ZFYVE9: variants seen among roughly 807,000 people sequenced by gnomAD.
ZFYVE9 encodes the protein zinc finger FYVE domain-containing protein 9.
Under a neutral mutation model 126.7 loss-of-function variants are expected in ZFYVE9, and 43 were observed. The ratio of observed to expected loss-of-function variants is 0.34; its 90% CI spans 0.27 to 0.44. The LOEUF (loss-of-function observed/expected upper bound fraction) is 0.44, where lower values mean the gene tolerates loss of function less well. Ranked by LOEUF, ZFYVE9 falls within the 20% of genes least tolerant of loss-of-function variation. The pLI is 1.00. For synonymous variants in ZFYVE9, 521 were observed against 597.4 expected (o/e 0.87, Z 1.87); for missense variants, 1,476 against 1,697.0 (o/e 0.87, Z 2.29).
chr1:52,298,865 A>C (rs1424326659), intron 12 of ZFYVE9, among the ~76,000 whole-genome samples: 1 of 135,304 alleles, frequency 7.4e-6, no homozygotes, highest in African/African-American at 2.9e-5. Context: ...GCTGGAGTGC[A>C]GTGGCGCAAT....
At chr1:52,330,509 G>T (rs1428695749) in intron 13 of ZFYVE9, among the ~76,000 whole-genome samples, 2 of 152,132 alleles carry the variant, frequency 1.3e-5, no homozygotes, top group Non-Finnish European at 2.9e-5. Flanking sequence ...TGGAACTGAG[G>T]GTTCCTTCCT....
chr1:52,300,008 C>T (rs1448918577), intron 12 of ZFYVE9, among the ~76,000 whole-genome samples: 1 of 152,254 alleles, frequency 6.6e-6, no homozygotes. Context: ...ACCCTTTCCC[C>T]ATTAGAAGTA....
intron 1 of ZFYVE9, among the ~76,000 whole-genome samples, chr1:52,186,459 G>A (rs368832547): frequency 6.6e-6 from 1 of 152,126 alleles, no homozygotes; most frequent in Non-Finnish European, 1.5e-5. Flanking sequence ...AGTATTGGAA[G>A]TCCTGGCCAG....
At chr1:52,305,491 G>C (rs371890704) in intron 13 of ZFYVE9, among the ~76,000 whole-genome samples, 17 of 152,306 alleles carry the variant, frequency 1.1e-4, no homozygotes, top group African/African-American at 3.6e-4. Context: ...CCAGGAAAAT[G>C]ATGGCATCAG....
intron 1 of ZFYVE9, among the ~76,000 whole-genome samples, chr1:52,169,385 G>A (rs1644543609): frequency 6.6e-6 from 1 of 152,150 alleles, no homozygotes; most frequent in Non-Finnish European, 1.5e-5. Flanking sequence ...GGGTGACAGA[G>A]TGAGACACTG....
chr1:52,266,555 A>C (rs779334211), intron 5 of ZFYVE9, 100 bp from the exon 6 acceptor site: 2 of 1,027,536 alleles, frequency 1.9e-6, no homozygotes, highest in Non-Finnish European at 2.8e-6. Flanking sequence ...TACTATGAGT[A>C]TTAATTAGGA....
intron 3 of ZFYVE9, among the ~76,000 whole-genome samples, chr1:52,234,000 T>TA (rs909285543): frequency 1.3e-5 from 2 of 152,014 alleles, no homozygotes; most frequent in Admixed American, 1.3e-4. Flanking sequence ...AGGCTGGTCT[T>TA]AAACTCCTGG....
Position 52,239,082 on chromosome 1 carries a change from A to G in ZFYVE9, c.1665A>G (p.Pro555=). ...NYLHNFCSQV[P]SVLGQSSPKV... ...TACATAATTTCTGTAGTCAAGTTCC[A>G]TCAGTGCTTGGGCAATCTTCCCCCA... Residue 555 remains proline, a synonymous_variant, in exon 4 of 19, where the codon CCA becomes CCG. Coordinates refer to ENST00000287727, the MANE Select transcript of ZFYVE9 (RefSeq NM_004799.4). 6.2e-7 allele frequency: 1 copy of G among 1,614,134 alleles called. No individual in the cohort carries two copies. Among genetic ancestry groups the G allele is most frequent in the Non-Finnish European group, 8.5e-7 (1 of 1,180,012 alleles).
intron 1 of ZFYVE9, among the ~76,000 whole-genome samples, chr1:52,167,480 A>T (rs762134806): frequency 2.6e-5 from 4 of 152,140 alleles, no homozygotes; most frequent in Admixed American, 6.6e-5. Context: ...CATGAGATAC[A>T]TATGAATCCT....
At chr1:52,314,358 A>G (rs556719565) in intron 13 of ZFYVE9, among the ~76,000 whole-genome samples, 27 of 152,298 alleles carry the variant, frequency 1.8e-4, no homozygotes, top group African/African-American at 6.0e-4. Flanking sequence ...CTGTCATCCT[A>G]TATTTTATAC....
intron 10 of ZFYVE9, among the ~76,000 whole-genome samples, chr1:52,290,303 C>A (rs1557502988): frequency 6.6e-6 from 1 of 152,184 alleles, no homozygotes. Context: ...TCATAACAAA[C>A]CCACTCCCAG....
chr1:52,230,405 C>T (rs1437849906), intron 2 of ZFYVE9, among the ~76,000 whole-genome samples: 5 of 151,796 alleles, frequency 3.3e-5, no homozygotes, highest in African/African-American at 1.2e-4. Context: ...ACAACACACA[C>T]CAGGGCCTGT....
chr1:52,303,833 T>C lies in ZFYVE9; in HGVS notation c.3346T>C (p.Tyr1116His). The C allele has an allele frequency of 6.3e-7, 1 of 1,577,428 alleles. No homozygotes were observed. The highest frequency in any genetic ancestry group is 8.6e-7 in the Non-Finnish European group (1 of 1,162,896). The stretch of plus-strand genomic sequence containing the variant: ...TGCTTTGGCCCAGGACTTCAGAAAT[T>C]ACCAGTATACCTTGCCAGTAGTTCA... ...IMNLLADFRN[Y>H]QYTLPVVQGL... Residue 1116 changes from tyrosine (Y) to histidine (H), a missense_variant, in exon 13 of 19, where the codon TAC (tyrosine) becomes CAC (histidine). Tyr to His is a moderately conservative substitution (Grantham distance 83). This residue lies in a region of ZFYVE9 where 669 missense variants were observed against 902.4 expected (regional missense o/e 0.74). Coordinates refer to ENST00000287727, the MANE Select transcript of ZFYVE9 (RefSeq NM_004799.4).
chr1:52,320,430 T>C (rs1459259685), intron 13 of ZFYVE9, among the ~76,000 whole-genome samples: 1 of 152,152 alleles, frequency 6.6e-6, no homozygotes, highest in African/African-American at 2.4e-5. Flanking sequence ...TAAATATATA[T>C]GAATAGACCA....
intron 1 of ZFYVE9, among the ~76,000 whole-genome samples, chr1:52,205,597 T>C (rs1458756699): frequency 2.6e-5 from 4 of 151,650 alleles, no homozygotes; most frequent in African/African-American, 9.7e-5. Flanking sequence ...AGCCTCAAAC[T>C]CCTGGCCTCA....
chr1:52,151,286 A>G (rs927647498), intron 1 of ZFYVE9, among the ~76,000 whole-genome samples: 1 of 152,068 alleles, frequency 6.6e-6, no homozygotes, highest in African/African-American at 2.4e-5. Flanking sequence ...AGTGTTTCAC[A>G]TATGTTATTT....
At chr1:52,198,701 G>C (rs1644893766) in intron 1 of ZFYVE9, among the ~76,000 whole-genome samples, 1 of 152,074 alleles carries the variant, frequency 6.6e-6, no homozygotes, top group African/African-American at 2.4e-5. Flanking sequence ...TCATAACGCT[G>C]CTTTATATAT....
chr1:52,317,841 G>A (rs536655903), intron 13 of ZFYVE9, among the ~76,000 whole-genome samples: 4 of 152,184 alleles, frequency 2.6e-5, no homozygotes, highest in Non-Finnish European at 5.9e-5. Flanking sequence ...TATTTGAACA[G>A]TAAGTTTTCA....
At chr1:52,344,381 C>T (rs1646466408) in intron 17 of ZFYVE9, among the ~76,000 whole-genome samples, 1 of 152,232 alleles carries the variant, frequency 6.6e-6, no homozygotes, top group Non-Finnish European at 1.5e-5. Flanking sequence ...GTCACGTCAG[C>T]TATAAGAGCC....
Sources: allele counts gnomAD v4.1 joint callset (sites outside exome capture counted in the v4.1 genomes callset), GRCh38; gene constraint gnomAD v4.1.1; regional missense constraint gnomAD v4.1.1; transcripts MANE v1.5; gene names NCBI Gene and HGNC (gene_info 2026-07-23, HGNC 2026-07-21).